Variants in CORO1C observed in about 807,000 individuals in gnomAD.
CORO1C encodes the protein coronin 1C.
CORO1C carries 14 observed loss-of-function variants against 51.2 expected under a neutral mutation model. That is an observed-to-expected ratio of 0.27 (90% CI 0.18 to 0.43). The LOEUF (loss-of-function observed/expected upper bound fraction) is 0.43. CORO1C is among the 20% of genes least tolerant of loss of function. The pLI is 1.00. For synonymous variants in CORO1C, 181 were observed against 210.5 expected (o/e 0.86, Z 1.21); for missense variants, 417 against 607.8 (o/e 0.69, Z 3.30).
rs756126202 is a variant in CORO1C, at chr12:108,678,221, C to G, written c.318+51G>C. ...ACACCCACACACATGCTTTTGAAAG[C>G]AGTAGGTGAGTCTCACTGGCCTGTG... On this transcript the variant is annotated intron_variant, in intron 3 of 10. Transcript: ENST00000261401. The G allele has an allele frequency of 1.2e-5, 18 of 1,565,166 alleles. No individual in the cohort carries two copies. The Admixed American group carries it at 3.1e-4, about 27-fold the overall frequency.
intron 1 of CORO1C, among the ~76,000 whole-genome samples, chr12:108,706,349 CTT>C (rs1220543152): frequency 6.6e-6 from 1 of 152,092 alleles, no homozygotes; most frequent in Non-Finnish European, 1.5e-5. Context: ...CGAAAGATGC[CTT>C]CTCCCTGAGA....
chr12:108,695,370 T>A (rs1202356235), intron 2 of CORO1C, among the ~76,000 whole-genome samples: 1 of 152,178 alleles, frequency 6.6e-6, no homozygotes. Context: ...CACAATATAG[T>A]AAGGCAAGTT....
At chr12:108,666,325 G>T (rs1169649234) in intron 3 of CORO1C, among the ~76,000 whole-genome samples, 1 of 152,216 alleles carries the variant, frequency 6.6e-6, no homozygotes, top group Non-Finnish European at 1.5e-5. Flanking sequence ...CGAGAAGAAA[G>T]TGAGTGAAAA....
intron 3 of CORO1C, among the ~76,000 whole-genome samples, chr12:108,667,349 T>G (rs150432779): frequency 3.9e-4 from 59 of 152,352 alleles, no homozygotes; most frequent in African/African-American, 1.4e-3. Context: ...CTTTTCTTTG[T>G]TCTATGGCTA....
At chr12:108,727,478 A>T (rs1453514199) in intron 1 of CORO1C, among the ~76,000 whole-genome samples, 1 of 152,238 alleles carries the variant, frequency 6.6e-6, no homozygotes, top group Non-Finnish European at 1.5e-5. Flanking sequence ...AGCAGGCTGA[A>T]ATCAGAGCCC....
chr12:108,698,192 G>A (rs1297334495), intron 2 of CORO1C, among the ~76,000 whole-genome samples: 1 of 152,210 alleles, frequency 6.6e-6, no homozygotes, highest in Admixed American at 6.5e-5. Context: ...CCTCTTTGCT[G>A]GGCTCAGCTT....
At chr12:108,715,555 C>A (rs2035305678) in intron 1 of CORO1C, among the ~76,000 whole-genome samples, 1 of 152,092 alleles carries the variant, frequency 6.6e-6, no homozygotes, top group African/African-American at 2.4e-5. Context: ...CTCTTTTGGT[C>A]CCTGGAGCTT....
At chr12:108,699,358 A>C (rs2034792015) in intron 2 of CORO1C, among the ~76,000 whole-genome samples, 1 of 152,226 alleles carries the variant, frequency 6.6e-6, no homozygotes, top group Non-Finnish European at 1.5e-5. Flanking sequence ...AGTTGAAAGG[A>C]AATGTCTGAA....
chr12:108,724,527 C>T (rs2035543113), intron 1 of CORO1C, among the ~76,000 whole-genome samples: 1 of 152,214 alleles, frequency 6.6e-6, no homozygotes, highest in South Asian at 2.1e-4. Flanking sequence ...TTCAGAGTCA[C>T]CAGGGAACTC....
At chr12:108,653,978 A>G (rs888313113) in intron 7 of CORO1C, among the ~76,000 whole-genome samples, 1 of 152,222 alleles carries the variant, frequency 6.6e-6, no homozygotes, top group African/African-American at 2.4e-5. Context: ...CCAATCAGGT[A>G]GCACTGCTAG....
At position 108,645,596 on chromosome 12, in the gene CORO1C, C is replaced by T. The variant is rs897281029; in HGVS notation, c.*1807G>A. ...AATATTAAACACATACATACACACACACAAAACCACATCAAACATTCAGAT... is the reference window on the plus strand; with the variant it reads ...AATATTAAACACATACATACACACATACAAAACCACATCAAACATTCAGAT... On this transcript the variant is annotated 3_prime_UTR_variant, in exon 11 of 11. Transcript: ENST00000261401. The T allele has an allele frequency of 2.0e-5, 3 of 152,160 alleles. No homozygotes were observed. Among genetic ancestry groups the T allele is most frequent in the Non-Finnish European group, 4.4e-5 (3 of 68,022 alleles). 9.4% of individuals were successfully genotyped at this position (152,160 alleles called of 1,614,324 possible). A position where few individuals can be genotyped will look rare whatever the true frequency, so the allele number is the denominator to read the frequency against.
intron 1 of CORO1C, among the ~76,000 whole-genome samples, chr12:108,717,742 T>A (rs1420322849): frequency 6.6e-6 from 1 of 152,196 alleles, no homozygotes; most frequent in Admixed American, 6.5e-5. Context: ...TCAAAGAGCC[T>A]TCTGTTGACA....
In CORO1C at chr12:108,645,178, A is replaced by G. The variant is rs1315523611; in HGVS notation, c.*2225T>C. 3 of 151,630 alleles carry G rather than the reference A, an allele frequency of 2.0e-5. No individual in the cohort carries two copies. The highest frequency in any genetic ancestry group is 1.3e-4 in the Admixed American group (2 of 15,186). 9.4% of individuals were successfully genotyped at this position (151,630 alleles called of 1,614,324 possible). ...TTTGACAGAACACTATGGCCACTCT[A>G]TAAGAGCCGACCTAGGAGTAATTCA... On this transcript the variant is annotated 3_prime_UTR_variant, in exon 11 of 11. Transcript: ENST00000261401.
intron 2 of CORO1C, among the ~76,000 whole-genome samples, chr12:108,698,437 TCA>T (rs1051157999): frequency 2.0e-5 from 3 of 152,230 alleles, no homozygotes; most frequent in African/African-American, 7.2e-5. Flanking sequence ...AGACGGAGTC[TCA>T]CTCTGTCGTC....
chr12:108,704,919 T>C (rs1444262063), intron 1 of CORO1C, among the ~76,000 whole-genome samples: 1 of 152,176 alleles, frequency 6.6e-6, no homozygotes, highest in African/African-American at 2.4e-5. Context: ...TATCCAAAAA[T>C]GGGTACAATG....
intron 2 of CORO1C, 40 bp from the exon 3 acceptor site, chr12:108,678,434 C>T (rs1055281694): frequency 6.7e-7 from 1 of 1,498,122 alleles, no homozygotes; most frequent in Non-Finnish European, 9.0e-7. Context: ...GTAATATCAA[C>T]ACCACAGACG....
chr12:108,684,316 A>T (rs1056828083), intron 2 of CORO1C, among the ~76,000 whole-genome samples: 3 of 152,354 alleles, frequency 2.0e-5, no homozygotes, highest in African/African-American at 7.2e-5. Context: ...ATGTCAGGAA[A>T]GAGGAACTCA....
chr12:108,722,506 C>T (rs78224947), intron 1 of CORO1C, among the ~76,000 whole-genome samples: 2,686 of 152,272 alleles, frequency 0.018, 78 homozygotes, highest in African/African-American at 0.062. Context: ...CACATGACTA[C>T]CAGCTCCCAA....
Position 108,701,227 on chromosome 12 carries a change from C to T in CORO1C, c.92G>A (p.Arg31His), listed in dbSNP as rs888712529. 2.5e-6 allele frequency: 4 copies of T among 1,614,152 alleles called. No homozygotes were observed. Among genetic ancestry groups the T allele is most frequent in the South Asian group, 1.1e-5 (1 of 91,074 alleles). ...ACAAAAGGAACTATCCCAGGTCACA[C>T]GAGAAACCCGGATGTCATCATAGCA... ...DQCYDDIRVS[R>H]VTWDSSFCAV... Residue 31 changes from arginine (R) to histidine (H), a missense_variant, in exon 2 of 11, where the codon CGT (arginine) becomes CAT (histidine). Coordinates refer to ENST00000261401, the MANE Select transcript of CORO1C (RefSeq NM_014325.4).
Sources: gnomAD v4.1 joint callset for allele counts (sites outside exome capture counted in the v4.1 genomes callset) on GRCh38, gnomAD v4.1.1 for gene constraint, MANE v1.5 for transcripts, NCBI Gene and HGNC (gene_info 2026-07-23, HGNC 2026-07-21) for gene names.